The following NALCN variants were observed in gnomAD, a reference collection of about 807,000 sequenced individuals.
The protein encoded by NALCN is sodium leak channel, non-selective, also known as sodium leak channel NALCN.
In NALCN, 111 loss-of-function variants were observed where a neutral mutation model predicts 225.3. The observed-to-expected ratio is 0.49, with a 90% CI of 0.42 to 0.58. The LOEUF is 0.58. Among genes scored for constraint, NALCN ranks in the 20% least tolerant of loss-of-function variants. The pLI, the probability that NALCN is intolerant of heterozygous loss-of-function variation, is 0.00. For missense variants in NALCN, 1,378 were observed against 2,202.4 expected (o/e 0.63, Z 7.49); for synonymous variants, 764 against 769.0 (o/e 0.99, Z 0.11).
intron 15 of NALCN, among the ~76,000 whole-genome samples, chr13:101,150,959 T>C (rs1308784401): frequency 6.6e-6 from 1 of 152,214 alleles, no homozygotes; most frequent in Non-Finnish European, 1.5e-5. Context: ...AAGTTTATAA[T>C]GGCCTCAGCT....
At chr13:101,215,572 G>T (rs1594454265) in intron 13 of NALCN, among the ~76,000 whole-genome samples, 1 of 152,044 alleles carries the variant, frequency 6.6e-6, no homozygotes, top group East Asian at 1.9e-4. Flanking sequence ...CTTCATTTGG[G>T]TTATTATCAG....
Position 101,265,001 on chromosome 13 carries a change from G to A in NALCN, c.1135-6427C>T, listed in dbSNP as rs565147850. 2.6e-5 allele frequency among the ~76,000 whole-genome samples: 4 copies of A among 152,290 alleles called. No homozygotes were observed. In the South Asian group the frequency reaches 8.3e-4, roughly 32 times the overall value. ...AAGCAAGGAAGCCATTTCTTCTCCA[G>A]AGTCTCCCAAAGCAATGCAGCCTTG... On this transcript the variant is annotated intron_variant, in intron 10 of 43. Coordinates refer to ENST00000251127, the MANE Select transcript of NALCN (RefSeq NM_052867.4).
At chr13:101,277,624 C>G (rs1426494733) in intron 10 of NALCN, among the ~76,000 whole-genome samples, 1 of 152,168 alleles carries the variant, frequency 6.6e-6, no homozygotes, top group Non-Finnish European at 1.5e-5. Flanking sequence ...TCTGTAATCA[C>G]AGGGTGCTTT....
intron 15 of NALCN, among the ~76,000 whole-genome samples, chr13:101,159,803 C>T (rs2038073653): frequency 2.0e-5 from 3 of 151,974 alleles, no homozygotes; most frequent in African/African-American, 2.4e-5. Flanking sequence ...AGTTAGGACT[C>T]GTGTCATCAA....
At chr13:101,077,192 C>G (rs932748082) in intron 34 of NALCN, among the ~76,000 whole-genome samples, 3 of 152,180 alleles carry the variant, frequency 2.0e-5, no homozygotes, top group African/African-American at 7.2e-5. Context: ...AACTGTGAGT[C>G]AATTAAACCT....
At chr13:101,397,057 A>G (rs2047313481) in intron 2 of NALCN, among the ~76,000 whole-genome samples, 1 of 132,614 alleles carries the variant, frequency 7.5e-6, no homozygotes, top group African/African-American at 2.7e-5. Context: ...TAAAACACCT[A>G]TGAATGTATT....
At position 101,089,920 on chromosome 13, in the gene NALCN, G is replaced by A; in HGVS notation, c.3316C>T (p.Leu1106=). 1.9e-6 allele frequency: 3 copies of A among 1,614,026 alleles called. No individual in the cohort carries two copies. The highest frequency in any genetic ancestry group is 2.5e-6 in the Non-Finnish European group (3 of 1,179,926). The part of the protein sequence containing the change: ...FNFDNVGNAM[L]ALFEVLSLKG... ...AAGGAGAGAACTTCAAACAACGCCA[G>A]CATAGCGTTTCCCACATTGTCGAAA... Residue 1106 remains leucine (L), a synonymous_variant, in exon 29 of 44, where the codon CTG becomes TTG. Transcript: ENST00000251127. This position sits in a 1 kb window ranked among gnomAD's most constrained non-coding sequence, Gnocchi z 4.7.
At chr13:101,381,726 T>C (rs2046854143) in intron 3 of NALCN, among the ~76,000 whole-genome samples, 1 of 152,092 alleles carries the variant, frequency 6.6e-6, no homozygotes, top group African/African-American at 2.4e-5. Context: ...CAATTTACAT[T>C]CTGAATGAAA....
chr13:101,338,090 C>G (rs1213043261), intron 7 of NALCN, among the ~76,000 whole-genome samples: 2 of 152,162 alleles, frequency 1.3e-5, no homozygotes, highest in Non-Finnish European at 2.9e-5. Flanking sequence ...ACAAAAGTAA[C>G]GACTGTCTGA....
At chr13:101,323,427 A>G (rs1178480602) in intron 7 of NALCN, among the ~76,000 whole-genome samples, 3 of 152,242 alleles carry the variant, frequency 2.0e-5, no homozygotes, top group African/African-American at 7.2e-5. Context: ...GAACGACACA[A>G]TGCAACTCTA....
chr13:101,293,846 T>A (rs1247518579), intron 7 of NALCN, among the ~76,000 whole-genome samples: 1 of 152,234 alleles, frequency 6.6e-6, no homozygotes, highest in East Asian at 1.9e-4. Context: ...TTCTATAGAA[T>A]ATAACTTCAT....
intron 15 of NALCN, among the ~76,000 whole-genome samples, chr13:101,146,781 G>A (rs2037367787): frequency 6.6e-6 from 1 of 152,126 alleles, no homozygotes; most frequent in Non-Finnish European, 1.5e-5. Flanking sequence ...GATATAAAAA[G>A]AAATAAGTCA....
chr13:101,287,316 A>G (rs547749074), intron 9 of NALCN, among the ~76,000 whole-genome samples: 1 of 152,334 alleles, frequency 6.6e-6, no homozygotes, highest in South Asian at 2.1e-4. Context: ...AAAAGTTAAC[A>G]TGAGGCCAGA....
intron 3 of NALCN, among the ~76,000 whole-genome samples, chr13:101,387,227 CAAAAA>C (rs747159185): frequency 2.1e-4 from 6 of 29,046 alleles, no homozygotes; most frequent in Non-Finnish European, 4.6e-4. Flanking sequence ...GACTCCGTCT[CAAAAA>C]AAAAAAAAAA....
chr13:101,370,445 G>A (rs1465480481), intron 6 of NALCN, among the ~76,000 whole-genome samples: 1 of 152,210 alleles, frequency 6.6e-6, no homozygotes. Flanking sequence ...GGGTTTTAAT[G>A]CCCATGTGAG....
chr13:101,083,249 C>A, intron 31 of NALCN, 51 bp from the exon 32 acceptor site: 1 of 1,436,868 alleles, frequency 7.0e-7, no homozygotes, highest in Non-Finnish European at 9.7e-7. Flanking sequence ...GTCACATTTA[C>A]TTTCTTGTCG....
At chr13:101,197,526 A>C (rs1477359420) in intron 13 of NALCN, among the ~76,000 whole-genome samples, 1 of 152,174 alleles carries the variant, frequency 6.6e-6, no homozygotes, top group Non-Finnish European at 1.5e-5. Flanking sequence ...AGTATGAGTA[A>C]ACAACTGTGT....
Position 101,345,676 on chromosome 13 carries a change from T to TTCTA in NALCN, c.645-260_645-257dup, listed in dbSNP as rs71676800. On this transcript the variant is annotated intron_variant, in intron 6 of 43. Coordinates refer to ENST00000251127, the MANE Select transcript of NALCN (RefSeq NM_052867.4). ...CAAGACCTTGAGAGACCTTTGCTCT[T>TTCTA]TCTATCTATCTATCTATCTATCTAT... Among the ~76,000 whole-genome samples the TTCTA allele has an allele frequency of 0.025, 3,238 of 127,872 alleles. 56 individuals carry two copies. Among genetic ancestry groups the TTCTA allele is most frequent in the African/African-American group, 0.03 (953 of 31,394 alleles). The allele number at this position is 127,872 out of a possible 152,430, so 83.9% of individuals were successfully genotyped here.
At chr13:101,375,566 G>A (rs1333183991) in intron 6 of NALCN, among the ~76,000 whole-genome samples, 1 of 152,152 alleles carries the variant, frequency 6.6e-6, no homozygotes, top group Non-Finnish European at 1.5e-5. Flanking sequence ...CAATTGGTTT[G>A]TAAGTAGATA....
Sources: gnomAD v4.1 joint callset for allele counts (sites outside exome capture counted in the v4.1 genomes callset) on GRCh38, gnomAD v4.1.1 for gene constraint, Gnocchi (gnomAD v3.1) non-coding constraint, MANE v1.5 for transcripts, NCBI Gene and HGNC (gene_info 2026-07-23, HGNC 2026-07-21) for gene names.